Variants in CCDC127 observed in about 807,000 individuals in gnomAD.
CCDC127 encodes coiled-coil domain-containing protein 127.
CCDC127 carries 2 observed loss-of-function variants against 4.1 expected under a neutral mutation model. That is an observed-to-expected ratio of 0.49 (90% CI 0.20 to 1.53). The LOEUF (loss-of-function observed/expected upper bound fraction) is 1.53, where lower values mean the gene tolerates loss of function less well. Among genes scored for constraint, CCDC127 ranks in the 40% most tolerant of loss-of-function variants. CCDC127 has a pLI of 0.23. For synonymous variants in CCDC127, 98 were observed against 120.4 expected (o/e 0.81, Z 1.22); for missense variants, 271 against 322.9 (o/e 0.84, Z 1.23).
chr5:202,700 A>G lies in CCDC127; in HGVS notation c.*2597T>C, dbSNP rs1292855179. 1 of 152,278 alleles carries G rather than the reference A, an allele frequency of 6.6e-6. No homozygotes were observed. The highest frequency in any genetic ancestry group is 1.5e-5 in the Non-Finnish European group (1 of 68,050). The allele number at this position is 152,278 out of a possible 1,614,324, so 9.4% of individuals were successfully genotyped here. On this transcript the variant is annotated 3_prime_UTR_variant, in exon 3 of 3. Transcript: ENST00000296824. Reference sequence around the variant, plus strand: ...TATAGAAGGAAGCTAGGCTGACAGCACACTGGACATTAGAAACAGGATGAG... The same window carrying G: ...TATAGAAGGAAGCTAGGCTGACAGCGCACTGGACATTAGAAACAGGATGAG...
intron 2 of CCDC127, among the ~76,000 whole-genome samples, chr5:206,623 C>T (rs1375755567): frequency 6.6e-6 from 1 of 152,128 alleles, no homozygotes; most frequent in Non-Finnish European, 1.5e-5. Context: ...CACCTGGCTC[C>T]GTATAGAGCC....
chr5:197,654 GC>G lies in CCDC127; in HGVS notation c.*7642del, dbSNP rs1207397770. 4 of 153,130 alleles carry G rather than the reference GC, an allele frequency of 2.6e-5. No individual in the cohort carries two copies. Among genetic ancestry groups the G allele is most frequent in the African/African-American group, 7.2e-5 (3 of 41,552 alleles). 9.5% of individuals were successfully genotyped at this position (153,130 alleles called of 1,614,324 possible). ...TCCAGGTTGGGGCAAAGTGGCTGGGGCAAAGCTACACATTAACATCATCTCA... is the reference window on the plus strand; with the variant it reads ...TCCAGGTTGGGGCAAAGTGGCTGGGGAAAGCTACACATTAACATCATCTCA... On this transcript the variant is annotated 3_prime_UTR_variant, in exon 3 of 3. Transcript: ENST00000296824.
At chr5:208,293 C>G (rs1734217126) in intron 2 of CCDC127, among the ~76,000 whole-genome samples, 1 of 152,166 alleles carries the variant, frequency 6.6e-6, no homozygotes, top group Admixed American at 6.5e-5. Flanking sequence ...GGGGCAAGTC[C>G]TCTAGATTTT....
At chr5:209,942 C>T (rs1324572680) in intron 2 of CCDC127, among the ~76,000 whole-genome samples, 1 of 152,164 alleles carries the variant, frequency 6.6e-6, no homozygotes, top group Non-Finnish European at 1.5e-5. Flanking sequence ...TACAGGGGAG[C>T]TTCCTTGACT....
In CCDC127 at chr5:205,297, TTACTTTTCTAG is replaced by T. The variant is rs1560974436; in HGVS notation, c.772_782del (p.Leu258ArgfsTer4). Reference sequence around the variant, plus strand: ...AAAGCAGTTTGATTTCACTCTTGTCTTACTTTTCTAGTATGGCTTCCTCTACTCTCTTAAAC... The same window carrying T: ...AAAGCAGTTTGATTTCACTCTTGTCTTATGGCTTCCTCTACTCTCTTAAAC... On this transcript the variant is annotated frameshift_variant and stop_lost, in exon 3 of 3. Coordinates refer to ENST00000296824, the MANE Select transcript of CCDC127 (RefSeq NM_145265.3). LOFTEE classifies it high-confidence loss of function. 6.2e-7 allele frequency: 1 copy of T among 1,600,434 alleles called. No individual in the cohort carries two copies.
rs1734075705 is a variant in CCDC127, at chr5:201,489, G to A, written c.*3808C>T. The A allele has an allele frequency of 6.6e-6, 1 of 152,178 alleles. No homozygotes were observed. Among genetic ancestry groups the A allele is most frequent in the Non-Finnish European group, 1.5e-5 (1 of 68,034 alleles). The allele number at this position is 152,178 out of a possible 1,614,324, so 9.4% of individuals were successfully genotyped here. A position where few individuals can be genotyped will look rare whatever the true frequency, so the allele number is the denominator to read the frequency against. On this transcript the variant is annotated 3_prime_UTR_variant, in exon 3 of 3. Coordinates refer to ENST00000296824, the MANE Select transcript of CCDC127 (RefSeq NM_145265.3). ...ACACCCCATAATTGGTGCAAGGTTT[G>A]CAGAACAATTTTGTCCTTATGAAAT... is the stretch of plus-strand genomic sequence containing the variant.
chr5:205,205 G>A lies in CCDC127; in HGVS notation c.*92C>T, dbSNP rs6884639. On this transcript the variant is annotated 3_prime_UTR_variant, in exon 3 of 3. Coordinates refer to ENST00000296824, the MANE Select transcript of CCDC127 (RefSeq NM_145265.3). ...AAGGGTGACGGTGTGGCCATGACAC[G>A]GGCAGCACGGGAACGGAAGACGCCG... is the stretch of plus-strand genomic sequence containing the variant. 0.023 allele frequency: 26,727 copies of A among 1,184,942 alleles called. 3,763 individuals are homozygous for A. In the African/African-American group the frequency reaches 0.33, roughly 15 times the overall value. The allele number at this position is 1,184,942 out of a possible 1,614,324, so 73.4% of individuals were successfully genotyped here.
rs1351255521 is a variant in CCDC127 at position 201,607 on chromosome 5, G to C, written c.*3690C>G. ...TCCTTATGGATGAATAAGCGCAAAG[G>C]AGGAAAAAGCGCATCTACCAAATGA... On this transcript the variant is annotated 3_prime_UTR_variant, in exon 3 of 3. Transcript: ENST00000296824. 6.6e-6 allele frequency: 1 copy of C among 152,200 alleles called. No homozygotes were observed. Among genetic ancestry groups the C allele is most frequent in the Non-Finnish European group, 1.5e-5 (1 of 68,032 alleles). 9.4% of individuals were successfully genotyped at this position (152,200 alleles called of 1,614,324 possible).
Position 205,458 on chromosome 5 carries a change from C to A in CCDC127, c.622G>T (p.Gly208Cys). Reference sequence around the variant, plus strand: ...TCATGCTGAAATATGTCGGTGAGACCGGCTGCCATCTCTAGGTCAGCGGCG... The same window carrying A: ...TCATGCTGAAATATGTCGGTGAGACAGGCTGCCATCTCTAGGTCAGCGGCG... The part of the protein sequence containing the change: ...PVAADLEMAA[G>C]LTDIFQHDTY... Residue 208 changes from glycine to cysteine, a missense_variant, in exon 3 of 3, where the codon GGT becomes TGT. By Grantham distance (159) the Gly-to-Cys change is radical. This residue lies in a region of CCDC127 where 265 missense variants were observed against 270.9 expected (regional missense o/e 0.98). Transcript: ENST00000296824. The A allele has an allele frequency of 3.1e-6, 5 of 1,614,134 alleles. No homozygotes were observed. Among genetic ancestry groups the A allele is most frequent in the Non-Finnish European group, 4.2e-6 (5 of 1,179,988 alleles).
At chr5:207,826 G>A (rs1734208532) in intron 2 of CCDC127, among the ~76,000 whole-genome samples, 1 of 152,178 alleles carries the variant, frequency 6.6e-6, no homozygotes, top group Non-Finnish European at 1.5e-5. Flanking sequence ...ATCAAGAGGA[G>A]ACAGGGAGCT....
At position 205,431 on chromosome 5, in the gene CCDC127, T is replaced by C. The variant is rs753443465; in HGVS notation, c.649A>G (p.Thr217Ala). The change falls in exon 3 of 3, where the codon ACA becomes GCA. Residue 217 changes from threonine to alanine, a missense_variant. By Grantham distance (58) the Thr-to-Ala change is moderately conservative. Around this residue, in one of 2 missense-constraint regions of CCDC127, gnomAD observed 265 missense variants for 270.9 expected, o/e 0.98. Coordinates refer to ENST00000296824, the MANE Select transcript of CCDC127 (RefSeq NM_145265.3). ...GTGTTCCAGACATCACCACAGTATGTATCATGCTGAAATATGTCGGTGAGA... is the reference window on the plus strand; with the variant it reads ...GTGTTCCAGACATCACCACAGTATGCATCATGCTGAAATATGTCGGTGAGA... Reference protein sequence around the residue: ...AGLTDIFQHDTYCGDVWNTNK... With the variant: ...AGLTDIFQHDAYCGDVWNTNK... 6.8e-6 allele frequency: 11 copies of C among 1,614,220 alleles called. No individual in the cohort carries two copies. The highest frequency in any genetic ancestry group is 9.3e-6 in the Non-Finnish European group (11 of 1,180,032).
Position 205,773 on chromosome 5 carries a change from G to A in CCDC127, c.307C>T (p.Arg103Ter), listed in dbSNP as rs764545184. Residue 103 changes from arginine (R) to a stop codon, truncating the protein, a stop_gained, in exon 3 of 3, where the codon CGA becomes TGA. Transcript: ENST00000296824. LOFTEE classifies it low-confidence loss of function (END_TRUNC). ...CGTCCCTGAGAGATAAGGGCTTCTCGGTAACTAGCAGTTCTGTTTTGTTCC... is the reference window on the plus strand; with the variant it reads ...CGTCCCTGAGAGATAAGGGCTTCTCAGTAACTAGCAGTTCTGTTTTGTTCC... ...EKEQNRTASY[R>*]EALISQGRKL... is the part of the protein sequence containing the mutation. 18 of 1,613,986 alleles carry A rather than the reference G, an allele frequency of 1.1e-5. No homozygotes were observed. The highest frequency in any genetic ancestry group is 8.9e-5 in the East Asian group (4 of 44,900).
rs1734152137 is a variant in CCDC127, at chr5:205,449, C to T, written c.631G>A (p.Asp211Asn). ...CAGTATGTATCATGCTGAAATATGTCGGTGAGACCGGCTGCCATCTCTAGG... is the reference window on the plus strand; with the variant it reads ...CAGTATGTATCATGCTGAAATATGTTGGTGAGACCGGCTGCCATCTCTAGG... ...ADLEMAAGLT[D>N]IFQHDTYCGD... Residue 211 changes from aspartate to asparagine, a missense_variant, in exon 3 of 3, where the codon GAC (aspartate) becomes AAC (asparagine). Asp to Asn is a conservative substitution (Grantham distance 23). Coordinates refer to ENST00000296824, the MANE Select transcript of CCDC127 (RefSeq NM_145265.3). The T allele has an allele frequency of 2.5e-6, 4 of 1,614,180 alleles. No homozygotes were observed. Among genetic ancestry groups the T allele is most frequent in the Middle Eastern group, 1.6e-4 (1 of 6,062 alleles).
intron 1 of CCDC127, among the ~76,000 whole-genome samples, chr5:217,615 CTG>C (rs944314278): frequency 6.6e-6 from 1 of 151,906 alleles, no homozygotes; most frequent in Admixed American, 6.6e-5. Flanking sequence ...AGAAGGAAGA[CTG>C]TGAGGAAGGC....
rs879287050 is a variant in CCDC127 at position 199,286 on chromosome 5, CCTGTGTGGTGGACGTGGCCCCT to C, written c.*5989_*6010del. On this transcript the variant is annotated 3_prime_UTR_variant, in exon 3 of 3. Transcript: ENST00000296824. ...GGAGATATACGCAGGCCCAGTGGCCCCTGTGTGGTGGACGTGGCCCCTCTGTGTGGTGGACGTGGCCCCTCTG... is the reference window on the plus strand; with the variant it reads ...GGAGATATACGCAGGCCCAGTGGCCCCTGTGTGGTGGACGTGGCCCCTCTG... The C allele has an allele frequency of 0.019, 2,929 of 157,984 alleles. 65 individuals carry two copies. Among genetic ancestry groups the C allele is most frequent in the African/African-American group, 0.052 (2,175 of 41,490 alleles). 9.8% of individuals were successfully genotyped at this position (157,984 alleles called of 1,614,324 possible).
At chr5:214,298 C>T (rs13173911) in intron 2 of CCDC127, 58,665 of 151,998 alleles carry the variant, frequency 0.39, 13,081 homozygotes, top group South Asian at 0.51. Flanking sequence ...GATGCTTCCA[C>T]TGGGGAAAGC....
In CCDC127 at chr5:197,835, G is replaced by A. The variant is rs1368931871; in HGVS notation, c.*7462C>T. On this transcript the variant is annotated 3_prime_UTR_variant, in exon 3 of 3. Transcript: ENST00000296824. ...GTGTGTCCCCACCCCAGTGGTCCCT[G>A]TGTCACCCCCTCCCCGAGTGTGTCC... 5.1e-5 allele frequency: 4 copies of A among 79,062 alleles called. No individual in the cohort carries two copies. The highest frequency in any genetic ancestry group is 1.7e-4 in the African/African-American group (4 of 23,450). The allele number at this position is 79,062 out of a possible 1,614,324, so 4.9% of individuals were successfully genotyped here. A position where few individuals can be genotyped will look rare whatever the true frequency, so the allele number is the denominator to read the frequency against.
chr5:206,233 C>T (rs114322015), intron 2 of CCDC127, among the ~76,000 whole-genome samples: 6 of 152,366 alleles, frequency 3.9e-5, no homozygotes, highest in Admixed American at 2.0e-4. Context: ...TTGCCTGCTC[C>T]GGCTCTAGTA....
chr5:203,504 A>G lies in CCDC127; in HGVS notation c.*1793T>C, dbSNP rs2126502253. On this transcript the variant is annotated 3_prime_UTR_variant, in exon 3 of 3. Transcript: ENST00000296824. ...CCGCCGCGCTCAAGGGGTTCCACGG[A>G]TTTCAAACAACGCATGCGTGTAAAG... 1 of 152,374 alleles carries G rather than the reference A, an allele frequency of 6.6e-6. No individual in the cohort carries two copies. The allele number at this position is 152,374 out of a possible 1,614,324, so 9.4% of individuals were successfully genotyped here.
Sources: gnomAD v4.1 joint callset for allele counts (sites outside exome capture counted in the v4.1 genomes callset) on GRCh38, gnomAD v4.1.1 for gene constraint, gnomAD v4.1.1 regional missense constraint, MANE v1.5 for transcripts, NCBI Gene and HGNC (gene_info 2026-07-23, HGNC 2026-07-21) for gene names.